PTPRQ: variants seen among roughly 807,000 people sequenced by gnomAD.
The protein encoded by PTPRQ is phosphatidylinositol phosphatase PTPRQ.
A neutral mutation model predicts 246.0 loss-of-function variants in PTPRQ; 199 were observed. The ratio of observed to expected loss-of-function variants is 0.81; its 90% CI spans 0.72 to 0.91. The LOEUF is 0.91. Ranked by LOEUF, PTPRQ falls within the 40% of genes least tolerant of loss-of-function variation. The pLI is 0.00. For synonymous variants in PTPRQ, 869 were observed against 853.2 expected (o/e 1.02, Z -0.32); for missense variants, 2,624 against 2,528.4 (o/e 1.04, Z -0.81).
intron 17 of PTPRQ, among the ~76,000 whole-genome samples, chr12:80,529,129 C>G (rs1450466311): frequency 1.3e-5 from 2 of 152,116 alleles, no homozygotes; most frequent in Admixed American, 6.6e-5. Flanking sequence ...CTGATGCTAG[C>G]AAGTTGTATA....
At chr12:80,662,761 G>A (rs1251951428) in intron 39 of PTPRQ, among the ~76,000 whole-genome samples, 1 of 151,978 alleles carries the variant, frequency 6.6e-6, no homozygotes, top group Admixed American at 6.6e-5. Context: ...CATAATGAAA[G>A]TTGACCTGTG....
chr12:80,549,198 T>G (rs1185086383), intron 24 of PTPRQ, among the ~76,000 whole-genome samples: 3 of 152,106 alleles, frequency 2.0e-5, no homozygotes. Context: ...GCTTCTGAGC[T>G]TTTGAGGATG....
chr12:80,605,853 G>C (rs1223563117), intron 27 of PTPRQ, among the ~76,000 whole-genome samples: 1 of 151,074 alleles, frequency 6.6e-6, no homozygotes, highest in Non-Finnish European at 1.5e-5. Flanking sequence ...GCCAGTTGGT[G>C]ATACAGATTT....
At chr12:80,570,830 A>T (rs1025457311) in intron 25 of PTPRQ, among the ~76,000 whole-genome samples, 3 of 152,194 alleles carry the variant, frequency 2.0e-5, no homozygotes, top group Non-Finnish European at 2.9e-5. Flanking sequence ...AACACCATTT[A>T]TTAAATAGGG....
chr12:80,547,591 T>C (rs757518684), intron 24 of PTPRQ, among the ~76,000 whole-genome samples: 1 of 152,174 alleles, frequency 6.6e-6, no homozygotes, highest in Non-Finnish European at 1.5e-5. Context: ...ATAGCATTTA[T>C]AATGGATAAA....
intron 6 of PTPRQ, chr12:80,462,019 A>T (rs1292581037): frequency 1.4e-6 from 1 of 700,858 alleles, no homozygotes; most frequent in Non-Finnish European, 2.6e-6. Flanking sequence ...GATGCAGGTC[A>T]GTGCGTGCAG....
chr12:80,674,865 T>C (rs1374898593), intron 43 of PTPRQ, among the ~76,000 whole-genome samples: 1 of 152,148 alleles, frequency 6.6e-6, no homozygotes, highest in African/African-American at 2.4e-5. Context: ...GATTACATGT[T>C]GTTATTTTTA....
At chr12:80,656,363 T>C (rs961681102) in intron 38 of PTPRQ, among the ~76,000 whole-genome samples, 4 of 152,246 alleles carry the variant, frequency 2.6e-5, no homozygotes, top group African/African-American at 9.6e-5. Context: ...TATAATGACA[T>C]CTTGTAGCTG....
chr12:80,672,607 T>C (rs977917242), intron 42 of PTPRQ, among the ~76,000 whole-genome samples: 2 of 152,054 alleles, frequency 1.3e-5, no homozygotes, highest in African/African-American at 4.8e-5. Context: ...GTTAACAGTT[T>C]CTATGGAGCA....
chr12:80,654,397 T>C (rs1900360321), intron 38 of PTPRQ, among the ~76,000 whole-genome samples: 1 of 152,242 alleles, frequency 6.6e-6, no homozygotes, highest in Non-Finnish European at 1.5e-5. Flanking sequence ...AATGTAAGTA[T>C]AAAAGTTATG....
chr12:80,616,351 A>G, intron 30 of PTPRQ, 85 bp downstream of exon 30: 1 of 1,288,640 alleles, frequency 7.8e-7, no homozygotes. Flanking sequence ...GGATGTAGAC[A>G]AGCCTTTAAG....
At chr12:80,593,129 G>T (rs909418999) in intron 26 of PTPRQ, among the ~76,000 whole-genome samples, 6 of 152,118 alleles carry the variant, frequency 3.9e-5, no homozygotes, top group Non-Finnish European at 7.4e-5. Flanking sequence ...AACTATCTCA[G>T]AGAACTGCAT....
At chr12:80,540,387 C>A (rs957083535) in intron 20 of PTPRQ, among the ~76,000 whole-genome samples, 1 of 152,114 alleles carries the variant, frequency 6.6e-6, no homozygotes, top group Non-Finnish European at 1.5e-5. Flanking sequence ...TTTTCCTTAA[C>A]TCCAGAAGTT....
chr12:80,523,784 A>G (rs991006619), intron 17 of PTPRQ, among the ~76,000 whole-genome samples: 15 of 152,314 alleles, frequency 9.8e-5, no homozygotes, highest in South Asian at 2.1e-4. Context: ...TTTACTTCCA[A>G]CTATGTGGTC....
chr12:80,467,806 A>G (rs1893483644), intron 6 of PTPRQ, among the ~76,000 whole-genome samples: 1 of 151,728 alleles, frequency 6.6e-6, no homozygotes, highest in Non-Finnish European at 1.5e-5. Flanking sequence ...GAATTGAACA[A>G]TGAGAACACA....
chr12:80,668,627 A>C (rs556536078), intron 39 of PTPRQ, among the ~76,000 whole-genome samples: 1 of 152,052 alleles, frequency 6.6e-6, no homozygotes, highest in East Asian at 1.9e-4. Context: ...CTTCATCTAT[A>C]AAATGAGCAT....
intron 24 of PTPRQ, among the ~76,000 whole-genome samples, chr12:80,549,202 G>A (rs1896394928): frequency 6.6e-6 from 1 of 152,106 alleles, no homozygotes; most frequent in African/African-American, 2.4e-5. Context: ...CTGAGCTTTT[G>A]AGGATGTGAT....
At chr12:80,674,875 A>T (rs1272668926) in intron 43 of PTPRQ, among the ~76,000 whole-genome samples, 1 of 152,110 alleles carries the variant, frequency 6.6e-6, no homozygotes, top group Admixed American at 6.6e-5. Flanking sequence ...TGTTATTTTT[A>T]CCTCATAGTA....
intron 17 of PTPRQ, among the ~76,000 whole-genome samples, chr12:80,519,991 A>C (rs930343340): frequency 6.6e-6 from 1 of 151,918 alleles, no homozygotes; most frequent in Non-Finnish European, 1.5e-5. Flanking sequence ...AATAAAACCT[A>C]TGGCAGTTAG....
Sources: gnomAD v4.1 joint callset for allele counts (sites outside exome capture counted in the v4.1 genomes callset) on GRCh38, gnomAD v4.1.1 for gene constraint, MANE v1.5 for transcripts, NCBI Gene and HGNC (gene_info 2026-07-23, HGNC 2026-07-21) for gene names.